NRXN1: variants seen among roughly 807,000 people sequenced by gnomAD.
NRXN1 encodes the protein neurexin 1, also known as neurexin-1.
NRXN1 carries 39 observed loss-of-function variants against 150.9 expected under a neutral mutation model. The observed-to-expected ratio is 0.26, with a 90% CI of 0.20 to 0.34. NRXN1 has a LOEUF of 0.34. Among genes scored for constraint, NRXN1 ranks in the 10% least tolerant of loss-of-function variants. The pLI is 1.00. For missense variants in NRXN1, 1,815 were observed against 1,949.9 expected (o/e 0.93, Z 1.30); for synonymous variants, 924 against 757.0 (o/e 1.22, Z -3.62).
chr2:50,061,052 T>G (rs1227487677), intron 19 of NRXN1, among the ~76,000 whole-genome samples: 2 of 152,156 alleles, frequency 1.3e-5, no homozygotes, highest in Non-Finnish European at 2.9e-5. Flanking sequence ...AGGCCTATAT[T>G]TTTCCTTTAC....
At chr2:50,079,683 A>C (rs1424508757) in intron 19 of NRXN1, among the ~76,000 whole-genome samples, 3 of 152,094 alleles carry the variant, frequency 2.0e-5, no homozygotes, top group Non-Finnish European at 2.9e-5. Flanking sequence ...AACAAAATGG[A>C]TTATCAGTAT....
chr2:50,553,546 CACA>C (rs1197144802), intron 8 of NRXN1, among the ~76,000 whole-genome samples: 4 of 152,116 alleles, frequency 2.6e-5, no homozygotes, highest in Admixed American at 6.6e-5. Context: ...GCAAGACAGT[CACA>C]ACAAGTTAAA....
intron 8 of NRXN1, among the ~76,000 whole-genome samples, chr2:50,566,269 G>A (rs1201458138): frequency 6.6e-6 from 1 of 151,902 alleles, no homozygotes; most frequent in Non-Finnish European, 1.5e-5. Context: ...AATTGAGATG[G>A]AGTCTCACTC....
chr2:50,163,735 C>G (rs889143136), intron 18 of NRXN1, among the ~76,000 whole-genome samples: 1 of 152,042 alleles, frequency 6.6e-6, no homozygotes, highest in Non-Finnish European at 1.5e-5. Flanking sequence ...TTTTTCTTGA[C>G]GTGTGTTAAC....
intron 5 of NRXN1, among the ~76,000 whole-genome samples, chr2:50,624,168 A>G (rs141193945): frequency 0.019 from 2,965 of 152,230 alleles, 101 homozygotes; most frequent in East Asian, 0.14. Context: ...GATAGACTGG[A>G]TTAAGAAAAT....
chr2:50,845,806 C>T (rs572436107), intron 5 of NRXN1, among the ~76,000 whole-genome samples: 7 of 152,164 alleles, frequency 4.6e-5, no homozygotes, highest in South Asian at 2.1e-4. Context: ...TAAATATCTA[C>T]GCTGACACAC....
At chr2:50,108,813 T>A (rs1012689609) in intron 18 of NRXN1, among the ~76,000 whole-genome samples, 1 of 152,096 alleles carries the variant, frequency 6.6e-6, no homozygotes, top group South Asian at 2.1e-4. Context: ...GGTTTAAACA[T>A]GTCAATCAAT....
chr2:50,548,283 T>C (rs957365130), intron 9 of NRXN1: 1 of 152,140 alleles, frequency 6.6e-6, no homozygotes, highest in African/African-American at 2.4e-5. Flanking sequence ...TCATAAAAAC[T>C]TGTCATTTTT....
chr2:50,326,480 C>T (rs558752945), intron 17 of NRXN1, among the ~76,000 whole-genome samples: 1 of 151,982 alleles, frequency 6.6e-6, no homozygotes, highest in Non-Finnish European at 1.5e-5. Context: ...AATAAAATTG[C>T]GGGCTGGCAG....
intron 17 of NRXN1, among the ~76,000 whole-genome samples, chr2:50,306,703 T>C (rs537645874): frequency 1.2e-3 from 179 of 152,332 alleles, no homozygotes; most frequent in African/African-American, 4.2e-3. Flanking sequence ...CCCCTCCTCC[T>C]ACACTTCAGC....
chr2:50,282,834 A>G (rs1195544478), intron 17 of NRXN1, among the ~76,000 whole-genome samples: 7 of 152,176 alleles, frequency 4.6e-5, no homozygotes, highest in Non-Finnish European at 7.3e-5. Flanking sequence ...ACAGATATCC[A>G]TGTGCTTTGA....
At chr2:50,383,481 T>A (rs1335396634) in intron 17 of NRXN1, among the ~76,000 whole-genome samples, 2 of 152,180 alleles carry the variant, frequency 1.3e-5, no homozygotes, top group Non-Finnish European at 2.9e-5. Flanking sequence ...TATTTTTAGT[T>A]AATACACAAT....
chr2:50,990,751 TC>T (rs1698423634), intron 2 of NRXN1, among the ~76,000 whole-genome samples: 1 of 151,940 alleles, frequency 6.6e-6, no homozygotes, highest in Admixed American at 6.6e-5. Flanking sequence ...AGTTTCCTTT[TC>T]TCCCAGGAGC....
intron 17 of NRXN1, among the ~76,000 whole-genome samples, chr2:50,376,882 T>C (rs1194396349): frequency 6.6e-6 from 1 of 152,154 alleles, no homozygotes; most frequent in African/African-American, 2.4e-5. Context: ...CGGTTCTTTG[T>C]GTGAGACTCA....
At chr2:50,713,659 T>C (rs866269889) in intron 5 of NRXN1, among the ~76,000 whole-genome samples, 1 of 152,144 alleles carries the variant, frequency 6.6e-6, no homozygotes, top group Non-Finnish European at 1.5e-5. Context: ...TTGGGGAGCA[T>C]GTGTATGTGT....
At chr2:50,434,160 C>T (rs948413091) in intron 17 of NRXN1, among the ~76,000 whole-genome samples, 4 of 150,210 alleles carry the variant, frequency 2.7e-5, no homozygotes, top group Non-Finnish European at 3.0e-5. Flanking sequence ...CCCGGGTTCG[C>T]GCCACTCTCC....
intron 21 of NRXN1, among the ~76,000 whole-genome samples, chr2:50,036,960 C>G (rs939005951): frequency 5.3e-5 from 8 of 152,184 alleles, no homozygotes; most frequent in Non-Finnish European, 1.0e-4. Flanking sequence ...GAAGCCCAGT[C>G]CAAATGGCAG....
At chr2:50,298,412 A>G (rs1337971531) in intron 17 of NRXN1, among the ~76,000 whole-genome samples, 1 of 152,192 alleles carries the variant, frequency 6.6e-6, no homozygotes, top group Non-Finnish European at 1.5e-5. Context: ...AACACTTGCC[A>G]GGATGAGGAA....
chr2:50,234,189 T>C lies in NRXN1; in HGVS notation c.3546+2600A>G, dbSNP rs559686424. Reference sequence around the variant, plus strand: ...CCACTGGCCTTGTGTTAATTTTTATTATATGCTTAAAACATGGAAAAAGGC... The same window carrying C: ...CCACTGGCCTTGTGTTAATTTTTATCATATGCTTAAAACATGGAAAAAGGC... On this transcript the variant is annotated intron_variant, in intron 18 of 22. Coordinates refer to ENST00000401669, the MANE Select transcript of NRXN1 (RefSeq NM_001330078.2). 6.6e-5 allele frequency among the ~76,000 whole-genome samples: 10 copies of C among 152,134 alleles called. No homozygotes were observed. In the East Asian group the frequency reaches 1.9e-3, roughly 30 times the overall value.
Sources: allele counts gnomAD v4.1 joint callset (sites outside exome capture counted in the v4.1 genomes callset), GRCh38; gene constraint gnomAD v4.1.1; transcripts MANE v1.5; gene names NCBI Gene and HGNC (gene_info 2026-07-23, HGNC 2026-07-21).